VIT: variants seen among roughly 807,000 people sequenced by gnomAD.
VIT encodes vitrin.
In VIT, 99 loss-of-function variants were observed where a neutral mutation model predicts 78.0. The observed-to-expected ratio is 1.27, with a 90% CI of 1.08 to 1.50. VIT has a LOEUF of 1.50. VIT is among the 40% of genes most tolerant of loss of function. VIT has a pLI of 0.00. For synonymous variants in VIT, 374 were observed against 334.3 expected, an observed-to-expected ratio of 1.12 and a Z score of -1.29; for missense variants, 1,126 against 875.3, an observed-to-expected ratio of 1.29 and a Z score of -3.61.
chr2:36,795,384 A>ACCT (rs1665815222), intron 12 of VIT, among the ~76,000 whole-genome samples: 1 of 148,182 alleles, frequency 6.7e-6, no homozygotes, highest in South Asian at 2.1e-4. Context: ...ATTTTATTTT[A>ACCT]TATTTTATTT....
chr2:36,752,017 C>G (rs888890425), intron 4 of VIT, among the ~76,000 whole-genome samples: 2 of 152,144 alleles, frequency 1.3e-5, no homozygotes, highest in Non-Finnish European at 2.9e-5. Flanking sequence ...AGAGTCCCAA[C>G]AGTCAGAAGT....
intron 2 of VIT, among the ~76,000 whole-genome samples, chr2:36,722,278 C>A (rs375625675): frequency 1.3e-5 from 2 of 152,292 alleles, no homozygotes; most frequent in East Asian, 3.9e-4. Flanking sequence ...GAGGCCGACA[C>A]TGTAGCCAGC....
intron 3 of VIT, among the ~76,000 whole-genome samples, chr2:36,742,220 C>G (rs767972218): frequency 1.4e-4 from 21 of 152,238 alleles, no homozygotes; most frequent in Non-Finnish European, 2.5e-4. Flanking sequence ...AATTGCAGTC[C>G]TACCCCTTCT....
chr2:36,705,637 T>C (rs529615450), intron 1 of VIT, among the ~76,000 whole-genome samples: 2 of 152,284 alleles, frequency 1.3e-5, no homozygotes, highest in East Asian at 3.9e-4. Flanking sequence ...TGAGGAAACA[T>C]CTTTGCTGCA....
intron 4 of VIT, among the ~76,000 whole-genome samples, chr2:36,751,966 G>A (rs1668490381): frequency 6.6e-6 from 1 of 152,172 alleles, no homozygotes; most frequent in South Asian, 2.1e-4. Flanking sequence ...TAGAGAACAT[G>A]AGCAGAAAGT....
intron 12 of VIT, among the ~76,000 whole-genome samples, chr2:36,799,116 ACT>A (rs1483120778): frequency 6.6e-6 from 1 of 151,938 alleles, no homozygotes; most frequent in East Asian, 1.9e-4. Context: ...GAAGGTGTCC[ACT>A]CTTTCTGTTT....
rs1387354774 is a variant in VIT at position 36,814,556 on chromosome 2, A to G, written c.*195A>G. On this transcript the variant is annotated 3_prime_UTR_variant, in exon 16 of 16. Transcript: ENST00000379242. ...GAGTTACAAAGATGATCACAAACGTATAGAATGAGCCAAAAGGCTACATCA... is the reference window on the plus strand; with the variant it reads ...GAGTTACAAAGATGATCACAAACGTGTAGAATGAGCCAAAAGGCTACATCA... The G allele has an allele frequency of 1.5e-6, 1 of 662,996 alleles. No homozygotes were observed. Among genetic ancestry groups the G allele is most frequent in the African/African-American group, 1.8e-5 (1 of 55,336 alleles). 41.1% of individuals were successfully genotyped at this position (662,996 alleles called of 1,614,324 possible). A position where few individuals can be genotyped will look rare whatever the true frequency, so the allele number is the denominator to read the frequency against.
At chr2:36,722,354 C>T (rs1666567634) in intron 2 of VIT, among the ~76,000 whole-genome samples, 1 of 152,162 alleles carries the variant, frequency 6.6e-6, no homozygotes, top group Admixed American at 6.5e-5. Flanking sequence ...GGGTTAAAAC[C>T]GGCTCTGGTT....
intron 4 of VIT, among the ~76,000 whole-genome samples, chr2:36,746,522 T>C (rs1185094302): frequency 2.6e-5 from 4 of 152,110 alleles, no homozygotes; most frequent in Non-Finnish European, 4.4e-5. Context: ...TCTAGTTCAA[T>C]CTTGGGAGGT....
chr2:36,805,506 A>G lies in VIT; in HGVS notation c.1231A>G (p.Asn411Asp). 1 of 1,614,048 alleles carries G rather than the reference A, an allele frequency of 6.2e-7. No individual in the cohort carries two copies. Among genetic ancestry groups the G allele is most frequent in the Admixed American group, 1.7e-5 (1 of 60,002 alleles). The change falls in exon 14 of 16, where the codon AAT becomes GAT. Residue 411 changes from asparagine (N) to aspartate (D), a missense_variant. By Grantham distance (23) the Asn-to-Asp change is conservative. Transcript: ENST00000379242. ...KANGNRSGAPNVVVVMVDGWP... is the reference protein window; with the variant it reads ...KANGNRSGAPDVVVVMVDGWP... ...CAATGGAAACAGAAGCGGGGCTCCC[A>G]ATGTGGTGGTGGTGATGGTGGATGG...
intron 14 of VIT, among the ~76,000 whole-genome samples, chr2:36,808,271 G>C (rs1239573535): frequency 6.6e-6 from 1 of 152,232 alleles, no homozygotes; most frequent in Non-Finnish European, 1.5e-5. Flanking sequence ...GAGGGAGTAG[G>C]ACTGAGTCCA....
intron 2 of VIT, among the ~76,000 whole-genome samples, chr2:36,721,886 A>G (rs1206353480): frequency 1.3e-5 from 2 of 152,206 alleles, no homozygotes; most frequent in Non-Finnish European, 2.9e-5. Context: ...TATTCTCACC[A>G]TAGCTGCAAG....
intron 7 of VIT, among the ~76,000 whole-genome samples, chr2:36,768,246 G>GTT (rs1408082683): frequency 6.6e-6 from 1 of 152,080 alleles, no homozygotes; most frequent in Non-Finnish European, 1.5e-5. Context: ...AGCCTGGCCA[G>GTT]CATGGTGAAA....
At chr2:36,792,908 T>TTTA (rs772589082) in intron 12 of VIT, among the ~76,000 whole-genome samples, 12 of 152,050 alleles carry the variant, frequency 7.9e-5, no homozygotes, top group Admixed American at 3.3e-4. Flanking sequence ...ATTGCTGATT[T>TTTA]TTATTATTAT....
intron 12 of VIT, among the ~76,000 whole-genome samples, chr2:36,797,750 G>A (rs1666011440): frequency 6.6e-6 from 1 of 152,242 alleles, no homozygotes; most frequent in African/African-American, 2.4e-5. Flanking sequence ...GCATAGCCAA[G>A]AAGAGATGCA....
intron 2 of VIT, among the ~76,000 whole-genome samples, chr2:36,717,873 A>G (rs1413858776): frequency 6.6e-6 from 1 of 152,170 alleles, no homozygotes; most frequent in African/African-American, 2.4e-5. Flanking sequence ...GAAGTCCAAA[A>G]TCAGTGTCAA....
intron 1 of VIT, among the ~76,000 whole-genome samples, chr2:36,704,498 G>T (rs1476877034): frequency 6.6e-6 from 1 of 152,202 alleles, no homozygotes; most frequent in Non-Finnish European, 1.5e-5. Context: ...AGGGGGCCCT[G>T]CAGGAGAGTC....
chr2:36,742,467 G>A (rs928537437), intron 3 of VIT, among the ~76,000 whole-genome samples: 1 of 152,134 alleles, frequency 6.6e-6, no homozygotes, highest in African/African-American at 2.4e-5. Flanking sequence ...TCTAAGCCTA[G>A]AGGATCCTCT....
At chr2:36,800,686 G>A (rs572963901) in intron 12 of VIT, among the ~76,000 whole-genome samples, 1 of 152,294 alleles carries the variant, frequency 6.6e-6, no homozygotes, top group East Asian at 1.9e-4. Context: ...CTTGTAGAGA[G>A]GGATTCTTAC....
Sources: gnomAD v4.1 joint callset for allele counts (sites outside exome capture counted in the v4.1 genomes callset) on GRCh38, gnomAD v4.1.1 for gene constraint, MANE v1.5 for transcripts, NCBI Gene and HGNC (gene_info 2026-07-23, HGNC 2026-07-21) for gene names.